Variants in POU3F3 observed in about 807,000 individuals in gnomAD.
POU3F3 encodes the protein POU class 3 homeobox 3, also known as POU domain, class 3, transcription factor 3.
In POU3F3, 1 loss-of-function variant was observed where a neutral mutation model predicts 8.6. The observed-to-expected ratio is 0.12, with a 90% CI of 0.04 to 0.55. The LOEUF (loss-of-function observed/expected upper bound fraction) is 0.55, where lower values mean the gene tolerates loss of function less well. Ranked by LOEUF, POU3F3 falls within the 20% of genes least tolerant of loss-of-function variation. The probability of loss-of-function intolerance (pLI) is 0.91; values close to 1 mark genes in which losing one functional copy is unlikely to be tolerated. For synonymous variants in POU3F3, 418 were observed against 327.4 expected (o/e 1.28, Z -2.99); for missense variants, 577 against 690.7 (o/e 0.84, Z 1.84).
the POU3F3 span, among the ~76,000 whole-genome samples, chr2:104,892,661 A>G: frequency 6.6e-6 from 1 of 151,604 alleles, no homozygotes; most frequent in Non-Finnish European, 1.5e-5. Context: ...ACATATGTGT[A>G]TATATATACA....
At chr2:104,926,967 T>G in the POU3F3 span, among the ~76,000 whole-genome samples, 1 of 151,886 alleles carries the variant, frequency 6.6e-6, no homozygotes, top group Non-Finnish European at 1.5e-5. Flanking sequence ...GGTGAGGGGC[T>G]AGGGGAGGGA....
At chr2:104,876,597 G>A in the POU3F3 span, among the ~76,000 whole-genome samples, 1 of 152,178 alleles carries the variant, frequency 6.6e-6, no homozygotes, top group Admixed American at 6.5e-5. Flanking sequence ...TATAGCCTGG[G>A]GAGACAGGTT....
the POU3F3 span, among the ~76,000 whole-genome samples, chr2:104,919,989 C>CTATT: frequency 2.0e-5 from 3 of 151,996 alleles, no homozygotes; most frequent in African/African-American, 4.8e-5. Flanking sequence ...ACAGGAACAG[C>CTATT]TATTTATTTA....
At chr2:104,860,954 C>T (rs941478699), downstream of POU3F3, among the ~76,000 whole-genome samples, 1 of 151,404 alleles carries the variant, frequency 6.6e-6, no homozygotes, top group Non-Finnish European at 1.5e-5. Context: ...ATATTAAATG[C>T]AGTATATACT....
At chr2:104,922,486 A>G in the POU3F3 span, among the ~76,000 whole-genome samples, 1 of 152,094 alleles carries the variant, frequency 6.6e-6, no homozygotes, top group Non-Finnish European at 1.5e-5. Flanking sequence ...GAAACCAAAA[A>G]GACATTCTGG....
At chr2:104,896,804 A>T in the POU3F3 span, among the ~76,000 whole-genome samples, 2 of 152,240 alleles carry the variant, frequency 1.3e-5, no homozygotes, top group African/African-American at 2.4e-5. Flanking sequence ...AGATGGACTG[A>T]CGTGGGATCA....
In POU3F3 at chr2:104,856,095, C is replaced by A; in HGVS notation, c.585C>A (p.Ala195=). 1 of 1,054,774 alleles carries A rather than the reference C, an allele frequency of 9.5e-7. No homozygotes were observed. The highest frequency in any genetic ancestry group is 1.1e-6 in the Non-Finnish European group (1 of 882,322). 65.3% of individuals were successfully genotyped at this position (1,054,774 alleles called of 1,614,324 possible). A position where few individuals can be genotyped will look rare whatever the true frequency, so the allele number is the denominator to read the frequency against. Residue 195 remains alanine, a synonymous_variant, in exon 1 of 1, where the codon GCC becomes GCA. Coordinates refer to ENST00000361360, the MANE Select transcript of POU3F3 (RefSeq NM_006236.3). The stretch of plus-strand genomic sequence containing the variant: ...GGGGGGCGGCCGCCGCTGCCGCAGC[C>A]GCAGCCGCCGCCGCCGCCGCCGCCG... ...GGWGAAAAAA[A]AAAAAAAAAH...
chr2:104,855,946 G>C lies in POU3F3; in HGVS notation c.436G>C (p.Gly146Arg). The C allele has an allele frequency of 9.5e-7, 1 of 1,051,852 alleles. No homozygotes were observed. Among genetic ancestry groups the C allele is most frequent in the South Asian group, 2.9e-5 (1 of 35,060 alleles). The allele number at this position is 1,051,852 out of a possible 1,614,324, so 65.2% of individuals were successfully genotyped here. A position where few individuals can be genotyped will look rare whatever the true frequency, so the allele number is the denominator to read the frequency against. ...PPQPPPPPPQ[G>R]PDVKGGAGRD... Reference sequence around the variant, plus strand: ...GCAGCCGCCGCCGCCACCGCCGCAGGGCCCCGACGTGAAGGGCGGCGCCGG... The same window carrying C: ...GCAGCCGCCGCCGCCACCGCCGCAGCGCCCCGACGTGAAGGGCGGCGCCGG... Residue 146 changes from glycine to arginine, a missense_variant, in exon 1 of 1, where the codon GGC becomes CGC. This residue lies in a region of POU3F3 where 484 missense variants were observed against 422.6 expected (regional missense o/e 1.15). Transcript: ENST00000361360.
Position 104,856,359 on chromosome 2 carries a change from G to A in POU3F3, c.849G>A (p.Pro283=). The change falls in exon 1 of 1, where the codon CCG becomes CCA. Residue 283 remains proline (P), a synonymous_variant. Transcript: ENST00000361360. ...ACCACCACGCGCATCCTCACCCGCC[G>A]CACCCGCACCACGCGCAGGGACCCC... ...HHHHHAHPHP[P]HPHHAQGPPH... 1 of 1,525,694 alleles carries A rather than the reference G, an allele frequency of 6.6e-7. No homozygotes were observed. Among genetic ancestry groups the A allele is most frequent in the Non-Finnish European group, 8.8e-7 (1 of 1,140,976 alleles). The allele number at this position is 1,525,694 out of a possible 1,614,324, so 94.5% of individuals were successfully genotyped here. A position where few individuals can be genotyped will look rare whatever the true frequency, so the allele number is the denominator to read the frequency against.
chr2:104,925,321 TGAG>T, the POU3F3 span, among the ~76,000 whole-genome samples: 3 of 152,134 alleles, frequency 2.0e-5, no homozygotes, highest in Admixed American at 6.5e-5. Context: ...GAGAATAAGA[TGAG>T]AAGGGTATTA....
At chr2:104,902,483 A>G in the POU3F3 span, among the ~76,000 whole-genome samples, 1 of 152,160 alleles carries the variant, frequency 6.6e-6, no homozygotes, top group Non-Finnish European at 1.5e-5. Flanking sequence ...GAATGAAACA[A>G]TACCCTGGCT....
the POU3F3 span, among the ~76,000 whole-genome samples, chr2:104,886,201 G>A: frequency 6.7e-3 from 1,021 of 152,126 alleles, 11 homozygotes; most frequent in African/African-American, 0.023. Flanking sequence ...GGTCTGGATC[G>A]GGACCCCTTT....
At chr2:104,925,117 A>G in the POU3F3 span, among the ~76,000 whole-genome samples, 148 of 152,288 alleles carry the variant, frequency 9.7e-4, no homozygotes, top group African/African-American at 3.4e-3. Context: ...CCTTGGAGCA[A>G]TCTAGGGTTT....
At chr2:104,925,605 T>C in the POU3F3 span, among the ~76,000 whole-genome samples, 3 of 152,036 alleles carry the variant, frequency 2.0e-5, no homozygotes, top group African/African-American at 7.2e-5. Flanking sequence ...AAGAGAAACA[T>C]CCTCGAATGC....
In POU3F3 at chr2:104,855,925, C is replaced by T; in HGVS notation, c.415C>T (p.Pro139Ser). The T allele has an allele frequency of 1.9e-6, 2 of 1,058,762 alleles. No homozygotes were observed. The highest frequency in any genetic ancestry group is 2.9e-5 in the South Asian group (1 of 34,932). The allele number at this position is 1,058,762 out of a possible 1,614,324, so 65.6% of individuals were successfully genotyped here. A position where few individuals can be genotyped will look rare whatever the true frequency, so the allele number is the denominator to read the frequency against. The change falls in exon 1 of 1, where the codon CCG becomes TCG. Residue 139 changes from proline to serine, a missense_variant. Pro to Ser is a moderately conservative substitution (Grantham distance 74). Around this residue, in one of 7 missense-constraint regions of POU3F3, gnomAD observed 484 missense variants for 422.6 expected, o/e 1.15. Coordinates refer to ENST00000361360, the MANE Select transcript of POU3F3 (RefSeq NM_006236.3). Reference sequence around the variant, plus strand: ...TGGCAGCCCCCAGCAGCCACCGCAGCCGCCGCCGCCACCGCCGCAGGGCCC... The same window carrying T: ...TGGCAGCCCCCAGCAGCCACCGCAGTCGCCGCCGCCACCGCCGCAGGGCCC... The part of the protein sequence containing the change: ...MAGSPQQPPQ[P>S]PPPPPQGPDV...
chr2:104,902,123 C>A, the POU3F3 span, among the ~76,000 whole-genome samples: 1 of 152,088 alleles, frequency 6.6e-6, no homozygotes, highest in Non-Finnish European at 1.5e-5. Context: ...CCTCTCTTCC[C>A]TCTCTCGCCC....
At chr2:104,919,101 C>T in the POU3F3 span, among the ~76,000 whole-genome samples, 1 of 152,094 alleles carries the variant, frequency 6.6e-6, no homozygotes, top group Non-Finnish European at 1.5e-5. Flanking sequence ...GAACTCCTGA[C>T]CTCAGGTGAT....
At chr2:104,914,677 C>T in the POU3F3 span, among the ~76,000 whole-genome samples, 7 of 152,208 alleles carry the variant, frequency 4.6e-5, no homozygotes, top group East Asian at 1.9e-4. Context: ...CAGAACCAGA[C>T]GGCTTAGGGA....
chr2:104,872,077 C>T, the POU3F3 span, among the ~76,000 whole-genome samples: 2 of 152,044 alleles, frequency 1.3e-5, no homozygotes, highest in African/African-American at 4.8e-5. The surrounding 1 kb of genome is among the most constrained non-coding windows in gnomAD (Gnocchi z 4.6). Flanking sequence ...CACACAGACA[C>T]ACACACACAC....
Sources: allele counts gnomAD v4.1 joint callset (sites outside exome capture counted in the v4.1 genomes callset), GRCh38; gene constraint gnomAD v4.1.1; regional missense constraint gnomAD v4.1.1; non-coding constraint Gnocchi (gnomAD v3.1); transcripts MANE v1.5; gene names NCBI Gene and HGNC (gene_info 2026-07-23, HGNC 2026-07-21).